The following NRP2 variants were observed in gnomAD, a reference collection of about 807,000 sequenced individuals.
NRP2 encodes neuropilin-2.
A neutral mutation model predicts 110.4 loss-of-function variants in NRP2; 52 were observed. That is an observed-to-expected ratio of 0.47 (90% CI 0.38 to 0.59). The LOEUF (loss-of-function observed/expected upper bound fraction) is 0.59, where lower values mean the gene tolerates loss of function less well. NRP2 is among the 20% of genes least tolerant of loss of function. The probability of loss-of-function intolerance (pLI) is 0.00; values close to 1 mark genes in which losing one functional copy is unlikely to be tolerated. For missense variants in NRP2, 1,049 were observed against 1,203.0 expected, an observed-to-expected ratio of 0.87 and a Z score of 1.89; for synonymous variants, 508 against 468.9, an observed-to-expected ratio of 1.08 and a Z score of -1.08.
At chr2:205,769,412 C>G (rs2057981141) in intron 15 of NRP2, among the ~76,000 whole-genome samples, 1 of 151,902 alleles carries the variant, frequency 6.6e-6, no homozygotes, top group Admixed American at 6.6e-5. Context: ...AAGTATCTTT[C>G]ATTTTCCGCC....
chr2:205,726,804 C>G (rs923809326), intron 6 of NRP2, among the ~76,000 whole-genome samples: 1 of 152,146 alleles, frequency 6.6e-6, no homozygotes, highest in South Asian at 2.1e-4. Flanking sequence ...CACTGACAAG[C>G]CTGTCCTAGC....
At position 205,795,168 on chromosome 2, in the gene NRP2, TC is replaced by T; in HGVS notation, c.*112del. On this transcript the variant is annotated 3_prime_UTR_variant, in exon 17 of 17. Transcript: ENST00000357785. ...AATGCCATAATCTCGATCAAACCGATCCAGAATACCGAAGGTATGGACAGGA... is the reference window on the plus strand; with the variant it reads ...AATGCCATAATCTCGATCAAACCGATCAGAATACCGAAGGTATGGACAGGA... 9.1e-7 allele frequency: 1 copy of T among 1,095,472 alleles called. No homozygotes were observed. The allele number at this position is 1,095,472 out of a possible 1,614,324, so 67.9% of individuals were successfully genotyped here. A position where few individuals can be genotyped will look rare whatever the true frequency, so the allele number is the denominator to read the frequency against.
intron 12 of NRP2, 44 bp downstream of exon 12, chr2:205,753,019 T>C (rs1310713527): frequency 6.2e-7 from 1 of 1,610,818 alleles, no homozygotes; most frequent in South Asian, 1.1e-5. Flanking sequence ...TAAGGCCAGC[T>C]TGTTCCACAT....
intron 2 of NRP2, 57 bp from the exon 3 acceptor site, chr2:205,716,135 AG>A: frequency 6.4e-7 from 1 of 1,554,928 alleles, no homozygotes; most frequent in Non-Finnish European, 8.9e-7. Flanking sequence ...GGAGCGACAC[AG>A]TGGTCCTTCT....
At chr2:205,687,049 A>G (rs2056185766) in intron 1 of NRP2, among the ~76,000 whole-genome samples, 2 of 152,118 alleles carry the variant, frequency 1.3e-5, no homozygotes, top group South Asian at 4.1e-4. Context: ...GGGCCAAAAG[A>G]ACCCAGACCC....
At chr2:205,688,865 A>AC (rs567161377) in intron 1 of NRP2, among the ~76,000 whole-genome samples, 25 of 151,576 alleles carry the variant, frequency 1.6e-4, no homozygotes, top group East Asian at 9.7e-4. Context: ...ACAAAACAAA[A>AC]AAAACAAAAA....
chr2:205,713,684 T>G (rs995135487), intron 2 of NRP2, among the ~76,000 whole-genome samples: 6 of 152,222 alleles, frequency 3.9e-5, no homozygotes, highest in African/African-American at 1.4e-4. Flanking sequence ...ATTCTAGACC[T>G]GCAGACTATT....
Position 205,714,299 on chromosome 2 carries a change from G to A in NRP2, c.252-1894G>A, listed in dbSNP as rs559626895. Among the ~76,000 whole-genome samples, 9 of 152,318 alleles carry A rather than the reference G, an allele frequency of 5.9e-5. No homozygotes were observed. In the South Asian group the frequency reaches 1.2e-3, roughly 21 times the overall value. ...AAAAAGTGGCCAAGCTGGGGTGCAA[G>A]CCCAGCTCTGTCTGCTTCTGGGATT... On this transcript the variant is annotated intron_variant, in intron 2 of 16. Coordinates refer to ENST00000357785, the MANE Select transcript of NRP2 (RefSeq NM_003872.3).
At chr2:205,766,687 C>T (rs1030131220) in intron 14 of NRP2, 96 bp from the exon 15 acceptor site, 2 of 1,148,506 alleles carry the variant, frequency 1.7e-6, no homozygotes, top group African/African-American at 1.5e-5. Flanking sequence ...CGAGTGCAGT[C>T]ATGTTTATCA....
intron 6 of NRP2, 24 bp downstream of exon 6, chr2:205,726,106 T>A: frequency 6.2e-7 from 1 of 1,613,230 alleles, no homozygotes; most frequent in East Asian, 2.2e-5. Context: ...TACCAGAGGA[T>A]GTGAGAGTGT....
intron 8 of NRP2, among the ~76,000 whole-genome samples, chr2:205,740,947 T>C (rs1185743569): frequency 6.6e-6 from 1 of 152,234 alleles, no homozygotes; most frequent in Non-Finnish European, 1.5e-5. Context: ...TCATAAGGAC[T>C]CCATGGGTAT....
In NRP2 at chr2:205,696,640, T is replaced by G. The variant is rs530547156; in HGVS notation, c.74-904T>G. ...TGGCTCCCTTCCCTCCCAGGCCACA[T>G]GAAGCTGTCTGCCTCCAGCCAGGCA... On this transcript the variant is annotated intron_variant, in intron 1 of 16. Transcript: ENST00000357785. Among the ~76,000 whole-genome samples, 26 of 152,308 alleles carry G rather than the reference T, an allele frequency of 1.7e-4. No individual in the cohort carries two copies. In the East Asian group the frequency reaches 4.6e-3, roughly 27 times the overall value.
At chr2:205,777,698 A>G (rs986672293) in intron 15 of NRP2, 2 of 152,192 alleles carry the variant, frequency 1.3e-5, no homozygotes, top group Non-Finnish European at 2.9e-5. Context: ...ATGGGGGGAA[A>G]AGGGATCATT....
intron 12 of NRP2, among the ~76,000 whole-genome samples, chr2:205,759,265 A>G (rs1575641152): frequency 6.6e-6 from 1 of 152,362 alleles, no homozygotes; most frequent in East Asian, 1.9e-4. Flanking sequence ...AAATGTCTCT[A>G]AGTTGGAAAA....
At chr2:205,711,773 T>C (rs143993050) in intron 2 of NRP2, among the ~76,000 whole-genome samples, 1 of 152,110 alleles carries the variant, frequency 6.6e-6, no homozygotes, top group Non-Finnish European at 1.5e-5. Flanking sequence ...TTCCAAGTGG[T>C]TCTGTGTGGC....
intron 15 of NRP2, among the ~76,000 whole-genome samples, chr2:205,774,558 G>A (rs2058070470): frequency 6.6e-6 from 1 of 152,178 alleles, no homozygotes; most frequent in Non-Finnish European, 1.5e-5. Context: ...CCCAAGAGGT[G>A]CCAATGAACC....
chr2:205,751,386 G>A (rs1305219212), intron 11 of NRP2, among the ~76,000 whole-genome samples: 1 of 152,066 alleles, frequency 6.6e-6, no homozygotes, highest in Non-Finnish European at 1.5e-5. Context: ...CAGTATACAT[G>A]TAAACATTAC....
At chr2:205,761,538 C>A (rs545337498) in intron 12 of NRP2, 1 of 152,190 alleles carries the variant, frequency 6.6e-6, no homozygotes. Context: ...ATTAATGTTG[C>A]ATGTGCCAGA....
intron 1 of NRP2, among the ~76,000 whole-genome samples, chr2:205,694,863 T>C (rs1035436432): frequency 6.6e-6 from 1 of 152,230 alleles, no homozygotes; most frequent in African/African-American, 2.4e-5. Context: ...TTTACTGATA[T>C]GTTTCAAGAA....
Sources: allele counts gnomAD v4.1 joint callset (sites outside exome capture counted in the v4.1 genomes callset), GRCh38; gene constraint gnomAD v4.1.1; transcripts MANE v1.5; gene names NCBI Gene and HGNC (gene_info 2026-07-23, HGNC 2026-07-21).